ARHGAP15: variants seen among roughly 807,000 people sequenced by gnomAD.
ARHGAP15 encodes Rho GTPase activating protein 15.
In ARHGAP15, 51 loss-of-function variants were observed where a neutral mutation model predicts 63.7. The observed-to-expected ratio is 0.80, with a 90% CI of 0.64 to 1.01. The LOEUF is 1.01. Among genes scored for constraint, ARHGAP15 ranks in the 50% least tolerant of loss-of-function variants. ARHGAP15 has a pLI of 0.00. For synonymous variants in ARHGAP15, 191 were observed against 193.8 expected (o/e 0.99, Z 0.12); for missense variants, 560 against 564.6 (o/e 0.99, Z 0.08).
chr2:143,288,108 G>C (rs1184344821), intron 6 of ARHGAP15, among the ~76,000 whole-genome samples: 2 of 152,194 alleles, frequency 1.3e-5, no homozygotes, highest in African/African-American at 4.8e-5. Context: ...AGCAGGACCA[G>C]TGCAAGCCCA....
At chr2:143,333,610 G>T (rs557737429) in intron 6 of ARHGAP15, among the ~76,000 whole-genome samples, 1 of 152,264 alleles carries the variant, frequency 6.6e-6, no homozygotes, top group African/African-American at 2.4e-5. Flanking sequence ...AGCTCAAAGT[G>T]TTCCATTTTT....
At chr2:143,468,364 G>A (rs1426125922) in intron 8 of ARHGAP15, among the ~76,000 whole-genome samples, 3 of 151,344 alleles carry the variant, frequency 2.0e-5, no homozygotes, top group Non-Finnish European at 4.4e-5. Flanking sequence ...ATCATTTGTG[G>A]AAAAAAAAGC....
chr2:143,436,835 C>T (rs1248247804), intron 7 of ARHGAP15, 78 bp from the exon 8 acceptor site: 12 of 1,516,298 alleles, frequency 7.9e-6, no homozygotes, highest in Non-Finnish European at 1.1e-5. Context: ...CCATAAACAG[C>T]AAAATTGAAC....
chr2:143,434,718 G>C (rs1689533634), intron 6 of ARHGAP15, among the ~76,000 whole-genome samples: 1 of 152,100 alleles, frequency 6.6e-6, no homozygotes, highest in Non-Finnish European at 1.5e-5. Context: ...ATAATACAAA[G>C]GGAAAATCTT....
At chr2:143,486,225 A>G (rs1198328918) in intron 8 of ARHGAP15, among the ~76,000 whole-genome samples, 1 of 152,166 alleles carries the variant, frequency 6.6e-6, no homozygotes, top group African/African-American at 2.4e-5. Context: ...GCGTTCAGTT[A>G]AGATATATAT....
At chr2:143,738,769 T>TACATTC (rs1358068179) in intron 13 of ARHGAP15, among the ~76,000 whole-genome samples, 2 of 152,186 alleles carry the variant, frequency 1.3e-5, no homozygotes, top group Non-Finnish European at 2.9e-5. Context: ...GTAAAGAACT[T>TACATTC]ACATTCACCA....
chr2:143,731,796 T>C (rs1433974913), intron 13 of ARHGAP15, among the ~76,000 whole-genome samples: 7 of 152,238 alleles, frequency 4.6e-5, no homozygotes, highest in Non-Finnish European at 8.8e-5. Flanking sequence ...ACTAACCATA[T>C]GTCCCATATC....
intron 6 of ARHGAP15, among the ~76,000 whole-genome samples, chr2:143,293,117 A>G (rs1419592819): frequency 6.6e-6 from 1 of 152,094 alleles, no homozygotes; most frequent in Non-Finnish European, 1.5e-5. Flanking sequence ...GTCTTTTGTT[A>G]CAGTCCCTTT....
At chr2:143,196,799 T>C (rs1372163827) in intron 2 of ARHGAP15, among the ~76,000 whole-genome samples, 1 of 152,014 alleles carries the variant, frequency 6.6e-6, no homozygotes, top group East Asian at 1.9e-4. Context: ...CTATATACTA[T>C]ATAAAAACAT....
rs769612014 is a variant in ARHGAP15 at position 143,415,586 on chromosome 2, A to T, written c.475-20015A>T. On this transcript the variant is annotated intron_variant, in intron 6 of 13. Coordinates refer to ENST00000295095, the MANE Select transcript of ARHGAP15 (RefSeq NM_018460.4). ...CCATTCTCACCTATCATGTTGATAA[A>T]TATTAAAAAGTAAAAAGATTAATCA... Among the ~76,000 whole-genome samples, 6 of 152,342 alleles carry T rather than the reference A, an allele frequency of 3.9e-5. No individual in the cohort carries two copies. In the East Asian group the frequency reaches 5.8e-4, roughly 15 times the overall value.
chr2:143,407,987 G>GTGTA lies in ARHGAP15; in HGVS notation c.475-27613_475-27612insGTAT, dbSNP rs1357709703. Among the ~76,000 whole-genome samples, 582 of 76,556 alleles carry GTGTA rather than the reference G, an allele frequency of 7.6e-3. 1 individual carries two copies. The highest frequency in any genetic ancestry group is 0.011 in the South Asian group (28 of 2,512). The allele number at this position is 76,556 out of a possible 152,430, so 50.2% of individuals were successfully genotyped here. On this transcript the variant is annotated intron_variant, in intron 6 of 13. Coordinates refer to ENST00000295095, the MANE Select transcript of ARHGAP15 (RefSeq NM_018460.4). ...TTTTTAAAGTCTGACTTCTGTGTGT[G>GTGTA]TATATATATATATATATATATATAT...
intron 9 of ARHGAP15, among the ~76,000 whole-genome samples, chr2:143,500,660 A>G (rs1462954399): frequency 6.6e-6 from 1 of 152,234 alleles, no homozygotes; most frequent in Non-Finnish European, 1.5e-5. Context: ...CCCCAAAATT[A>G]TAATGTATAT....
intron 2 of ARHGAP15, among the ~76,000 whole-genome samples, chr2:143,201,343 C>T (rs570300003): frequency 2.0e-5 from 3 of 151,716 alleles, no homozygotes; most frequent in African/African-American, 7.3e-5. Context: ...GGCTAGGGCT[C>T]TTTTTAAATT....
chr2:143,532,066 A>G (rs1574588421), intron 10 of ARHGAP15, among the ~76,000 whole-genome samples: 1 of 152,250 alleles, frequency 6.6e-6, no homozygotes, highest in Non-Finnish European at 1.5e-5. Context: ...CTTTCCATAC[A>G]GGACAAGGTC....
At chr2:143,447,012 T>G (rs1690173592) in intron 8 of ARHGAP15, among the ~76,000 whole-genome samples, 1 of 152,126 alleles carries the variant, frequency 6.6e-6, no homozygotes, top group South Asian at 2.1e-4. Context: ...CACATTTTCT[T>G]AATCCAGTCT....
chr2:143,606,692 G>T (rs1698046843), intron 11 of ARHGAP15: 1 of 152,168 alleles, frequency 6.6e-6, no homozygotes, highest in Non-Finnish European at 1.5e-5. Context: ...AGTTTTTAAT[G>T]CCAGAAATCC....
chr2:143,139,837 A>G (rs1387949512), intron 1 of ARHGAP15, among the ~76,000 whole-genome samples: 1 of 152,190 alleles, frequency 6.6e-6, no homozygotes, highest in African/African-American at 2.4e-5. Context: ...CAGAAAAAAT[A>G]AAACTCAACT....
intron 12 of ARHGAP15, among the ~76,000 whole-genome samples, chr2:143,650,617 A>T (rs1439231284): frequency 6.6e-6 from 1 of 151,962 alleles, no homozygotes; most frequent in Non-Finnish European, 1.5e-5. Flanking sequence ...GAGACAGGAA[A>T]GCACCTTTGC....
intron 9 of ARHGAP15, among the ~76,000 whole-genome samples, chr2:143,507,797 C>T (rs577389445): frequency 1.3e-5 from 2 of 152,268 alleles, no homozygotes; most frequent in South Asian, 2.1e-4. Flanking sequence ...GGATCACCCC[C>T]GCTTTCTACT....
Sources: gnomAD v4.1 joint callset for allele counts (sites outside exome capture counted in the v4.1 genomes callset) on GRCh38, gnomAD v4.1.1 for gene constraint, MANE v1.5 for transcripts, NCBI Gene and HGNC (gene_info 2026-07-23, HGNC 2026-07-21) for gene names.